The following CACNA1D variants were observed in gnomAD, a reference collection of about 807,000 sequenced individuals.
CACNA1D encodes the protein voltage-dependent L-type calcium channel subunit alpha-1D.
CACNA1D carries 55 observed loss-of-function variants against 257.1 expected under a neutral mutation model. That is an observed-to-expected ratio of 0.21 (90% CI 0.17 to 0.27). The LOEUF (loss-of-function observed/expected upper bound fraction) is 0.27. CACNA1D is among the 10% of genes least tolerant of loss of function. The pLI is 1.00. For missense variants in CACNA1D, 1,876 were observed against 2,784.0 expected (o/e 0.67, Z 7.34); for synonymous variants, 980 against 1,014.9 (o/e 0.97, Z 0.65).
intron 8 of CACNA1D, among the ~76,000 whole-genome samples, chr3:53,688,734 T>C (rs1414109254): frequency 6.6e-6 from 1 of 152,224 alleles, no homozygotes. Flanking sequence ...AGTTTGGTTT[T>C]GGGTTCAGGG....
chr3:53,497,438 C>A lies in CACNA1D; in HGVS notation c.354C>A (p.Ala118=), dbSNP rs1206029891. The A allele has an allele frequency of 2.5e-6, 4 of 1,614,082 alleles. No homozygotes were observed. In the East Asian group the frequency reaches 8.9e-5, roughly 36 times the overall value. Residue 118 remains alanine, a synonymous_variant, in exon 2 of 48, where the codon GCC becomes GCA. Transcript: ENST00000350061. Reference sequence around the variant, plus strand: ...CACTCAATAACCCCATCCGAAGAGCCTGCATTAGTATAGTGGAATGGAAGT... The same window carrying A: ...CACTCAATAACCCCATCCGAAGAGCATGCATTAGTATAGTGGAATGGAAGT... ...CLSLNNPIRR[A]CISIVEWKPF... is the part of the protein sequence containing the mutation.
chr3:53,520,765 CA>C (rs77368050), intron 3 of CACNA1D, among the ~76,000 whole-genome samples: 82,433 of 147,134 alleles, frequency 0.56, 22,873 homozygotes, highest in East Asian at 0.75. Context: ...GACTCAATCT[CA>C]AAAAAAAAAA....
In CACNA1D at chr3:53,512,132, C is replaced by T. The variant is rs527960139; in HGVS notation, c.483+10412C>T. On this transcript the variant is annotated intron_variant, in intron 3 of 47. Transcript: ENST00000350061. The stretch of plus-strand genomic sequence containing the variant: ...TTTTTCACGATAATGCAAAATTGTA[C>T]TTCTCTGTAGGCTTACACAAATTCT... 7.3e-4 allele frequency among the ~76,000 whole-genome samples: 111 copies of T among 152,258 alleles called. 1 individual carries two copies. The Middle Eastern group carries it at 0.01, about 14-fold the overall frequency.
Position 53,545,612 on chromosome 3 carries a change from T to C in CACNA1D, c.483+43892T>C, listed in dbSNP as rs562716434. 1.1e-4 allele frequency among the ~76,000 whole-genome samples: 16 copies of C among 152,328 alleles called. No homozygotes were observed. In the South Asian group the frequency reaches 1.7e-3, roughly 16 times the overall value. On this transcript the variant is annotated intron_variant, in intron 3 of 47. Transcript: ENST00000350061. ...AGGTCATGGTGTTCTTCTTTACTTA[T>C]AAATGAAAACAAAGTAATTTGGGGG...
At chr3:53,802,486 G>T (rs147455053) in intron 43 of CACNA1D, among the ~76,000 whole-genome samples, 21 of 152,342 alleles carry the variant, frequency 1.4e-4, no homozygotes, top group African/African-American at 4.6e-4. Flanking sequence ...GCCTCAGCCT[G>T]TGTGGCTGGC....
intron 3 of CACNA1D, among the ~76,000 whole-genome samples, chr3:53,538,895 C>T (rs962786478): frequency 6.6e-6 from 1 of 152,084 alleles, no homozygotes; most frequent in Non-Finnish European, 1.5e-5. Flanking sequence ...ACCAATGTAG[C>T]CTCAAAAAAG....
chr3:53,777,552 G>A (rs1325129009), intron 37 of CACNA1D, among the ~76,000 whole-genome samples: 1 of 152,202 alleles, frequency 6.6e-6, no homozygotes, highest in Non-Finnish European at 1.5e-5. Flanking sequence ...AGGATGTGGA[G>A]TGGGGAGGAC....
intron 9 of CACNA1D, among the ~76,000 whole-genome samples, chr3:53,715,117 C>G (rs1349952090): frequency 7.9e-5 from 12 of 152,126 alleles, no homozygotes; most frequent in Admixed American, 7.9e-4. Context: ...AGAAGGTAGG[C>G]TGCCAGGGCC....
chr3:53,652,823 T>C (rs1031969510), intron 4 of CACNA1D, among the ~76,000 whole-genome samples: 7 of 152,254 alleles, frequency 4.6e-5, no homozygotes, highest in African/African-American at 1.7e-4. Context: ...GTTTGAGTAG[T>C]TTAGGTCTAC....
chr3:53,668,893 T>C (rs2094295437), intron 7 of CACNA1D, among the ~76,000 whole-genome samples: 1 of 152,240 alleles, frequency 6.6e-6, no homozygotes, highest in South Asian at 2.1e-4. Flanking sequence ...CTTTTGATTT[T>C]TTCCCCCACC....
intron 8 of CACNA1D, among the ~76,000 whole-genome samples, chr3:53,691,821 T>TAC (rs2094527513): frequency 2.6e-5 from 2 of 77,180 alleles, no homozygotes; most frequent in Admixed American, 3.8e-4. Context: ...TATTATATAT[T>TAC]ATATCTATAA....
chr3:53,807,305 T>C (rs535437441), intron 45 of CACNA1D, among the ~76,000 whole-genome samples: 42 of 152,280 alleles, frequency 2.8e-4, no homozygotes, highest in African/African-American at 9.6e-4. Flanking sequence ...GGGAAGGCTT[T>C]CTGATGAGGC....
intron 8 of CACNA1D, among the ~76,000 whole-genome samples, chr3:53,696,781 G>C (rs2094577079): frequency 6.6e-6 from 1 of 152,122 alleles, no homozygotes; most frequent in Admixed American, 6.5e-5. Flanking sequence ...TATAAGGTGT[G>C]CATTTATAGG....
At chr3:53,685,286 G>A (rs949572865) in intron 8 of CACNA1D, among the ~76,000 whole-genome samples, 1 of 152,180 alleles carries the variant, frequency 6.6e-6, no homozygotes, top group Non-Finnish European at 1.5e-5. Flanking sequence ...GATCCTAAAT[G>A]TGTTGGCACC....
At chr3:53,592,411 T>C (rs1157697852) in intron 3 of CACNA1D, among the ~76,000 whole-genome samples, 1 of 152,024 alleles carries the variant, frequency 6.6e-6, no homozygotes, top group Admixed American at 6.6e-5. Flanking sequence ...GCTGGAGGCA[T>C]CAGAACATAG....
At chr3:53,808,453 C>T in intron 45 of CACNA1D, 196 bp from the exon 46 acceptor site, 1 of 601,410 alleles carries the variant, frequency 1.7e-6, no homozygotes, top group Non-Finnish European at 3.0e-6. Flanking sequence ...CTTTAAAAAA[C>T]ATCCCTCACT....
intron 3 of CACNA1D, among the ~76,000 whole-genome samples, chr3:53,550,738 A>G (rs1433473548): frequency 7.9e-5 from 12 of 152,172 alleles, no homozygotes; most frequent in Non-Finnish European, 1.6e-4. Context: ...AAATCCCTAG[A>G]CACATAGGAG....
intron 10 of CACNA1D, chr3:53,718,590 GC>G (rs1245576865): frequency 4.7e-4 from 153 of 324,716 alleles, no homozygotes; most frequent in Middle Eastern, 3.1e-3. Context: ...CCGCCCCCCC[GC>G]CCCCCGGCCC....
intron 3 of CACNA1D, among the ~76,000 whole-genome samples, chr3:53,561,314 G>A (rs924245351): frequency 7.9e-5 from 12 of 152,112 alleles, no homozygotes; most frequent in African/African-American, 2.2e-4. Flanking sequence ...AGACTGCTGC[G>A]CTCTGGTCTG....
Sources: gnomAD v4.1 joint callset for allele counts (sites outside exome capture counted in the v4.1 genomes callset) on GRCh38, gnomAD v4.1.1 for gene constraint, MANE v1.5 for transcripts, NCBI Gene and HGNC (gene_info 2026-07-23, HGNC 2026-07-21) for gene names.